Variants in FAM149B1 observed in about 807,000 individuals in gnomAD.
FAM149B1 encodes family with sequence similarity 149 member B1.
In FAM149B1, 56 loss-of-function variants were observed where a neutral mutation model predicts 75.3. The observed-to-expected ratio is 0.74, with a 90% CI of 0.60 to 0.93. The LOEUF (loss-of-function observed/expected upper bound fraction) is 0.93, where lower values mean the gene tolerates loss of function less well. Among genes scored for constraint, FAM149B1 ranks in the 40% least tolerant of loss-of-function variants. The pLI, the probability that FAM149B1 is intolerant of heterozygous loss-of-function variation, is 0.00. For synonymous variants in FAM149B1, 259 were observed against 256.1 expected (o/e 1.01, Z -0.11); for missense variants, 639 against 708.4 (o/e 0.90, Z 1.11).
chr10:73,237,495 C>T (rs1317320183), intron 12 of FAM149B1, among the ~76,000 whole-genome samples: 1 of 151,980 alleles, frequency 6.6e-6, no homozygotes, highest in Non-Finnish European at 1.5e-5. Flanking sequence ...CAGCTCACTG[C>T]AGCCTCCACC....
rs992173535 is a variant in FAM149B1 at position 73,241,514 on chromosome 10, CT to C, written c.*498del. On this transcript the variant is annotated 3_prime_UTR_variant, in exon 14 of 14. Transcript: ENST00000242505. ...AAATAGATGTCATTCCTAAAACTCT[CT>C]TTAGATGTCCTACCCTATCAGCAGA... The C allele has an allele frequency of 1.2e-5, 2 of 165,148 alleles. No individual in the cohort carries two copies. The highest frequency in any genetic ancestry group is 4.8e-5 in the African/African-American group (2 of 41,658). The allele number at this position is 165,148 out of a possible 1,614,324, so 10.2% of individuals were successfully genotyped here.
chr10:73,217,330 T>C (rs1185143466), intron 7 of FAM149B1, among the ~76,000 whole-genome samples: 3 of 152,246 alleles, frequency 2.0e-5, no homozygotes, highest in Non-Finnish European at 2.9e-5. Context: ...GGCTGGCTTA[T>C]AGTTAGATAC....
intron 10 of FAM149B1, chr10:73,234,615 G>A (rs533844000): frequency 5.2e-4 from 298 of 576,420 alleles, no homozygotes; most frequent in Middle Eastern, 1.4e-3. Flanking sequence ...AGAGTATAGA[G>A]CTTCAAAACA....
chr10:73,218,249 CT>C (rs2043338645), intron 7 of FAM149B1, among the ~76,000 whole-genome samples: 1 of 152,200 alleles, frequency 6.6e-6, no homozygotes, highest in Non-Finnish European at 1.5e-5. Flanking sequence ...GACTAATCCT[CT>C]GCAGTTCTTT....
At chr10:73,207,850 T>A (rs1260920382) in intron 5 of FAM149B1, among the ~76,000 whole-genome samples, 1 of 152,252 alleles carries the variant, frequency 6.6e-6, no homozygotes, top group Non-Finnish European at 1.5e-5. Flanking sequence ...GTAAATAACT[T>A]GTTTTTGATT....
In FAM149B1 at chr10:73,177,971, A is replaced by G. The variant is rs1283460608; in HGVS notation, c.278A>G (p.Tyr93Cys). The change falls in exon 3 of 14, where the codon TAT (tyrosine) becomes TGT (cysteine). Residue 93 changes from tyrosine to cysteine, a missense_variant. Coordinates refer to ENST00000242505, the MANE Select transcript of FAM149B1 (RefSeq NM_173348.2). ...TEGSSDFSWG[Y>C]GELDQNATEK... ...GGAAGCTCGGACTTCTCCTGGGGAT[A>G]TGGTGTGAGTTATATGTTATCAGTC... 3 of 1,549,908 alleles carry G rather than the reference A, an allele frequency of 1.9e-6. No individual in the cohort carries two copies. Among genetic ancestry groups the G allele is most frequent in the Non-Finnish European group, 2.6e-6 (3 of 1,146,488 alleles).
intron 7 of FAM149B1, among the ~76,000 whole-genome samples, chr10:73,216,898 T>A (rs1449389112): frequency 6.6e-6 from 1 of 152,180 alleles, no homozygotes; most frequent in East Asian, 1.9e-4. Context: ...ACAATCAATA[T>A]AGTGAACATA....
At chr10:73,208,002 G>A (rs1434033537) in intron 5 of FAM149B1, among the ~76,000 whole-genome samples, 3 of 152,252 alleles carry the variant, frequency 2.0e-5, no homozygotes, top group Admixed American at 6.5e-5. Context: ...AGAAGGATAT[G>A]AGATTTGGGA....
chr10:73,208,411 A>T (rs1325712754), intron 5 of FAM149B1, among the ~76,000 whole-genome samples: 1 of 152,220 alleles, frequency 6.6e-6, no homozygotes, highest in Non-Finnish European at 1.5e-5. Context: ...GCAGTACCAG[A>T]TAGTCCATAG....
chr10:73,242,137 CATTAA>C lies in FAM149B1; in HGVS notation c.*1123_*1127del, dbSNP rs1417618764. 4 of 152,128 alleles carry C rather than the reference CATTAA, an allele frequency of 2.6e-5. No individual in the cohort carries two copies. The highest frequency in any genetic ancestry group is 1.9e-4 in the East Asian group (1 of 5,204). 9.4% of individuals were successfully genotyped at this position (152,128 alleles called of 1,614,324 possible). On this transcript the variant is annotated 3_prime_UTR_variant, in exon 14 of 14. Transcript: ENST00000242505. ...GAAGACAGATGCTTCAAACAACCTG[CATTAA>C]ATTATATTTTTAATAAAATTAAAAT...
At chr10:73,226,003 C>T (rs2043533438) in intron 7 of FAM149B1, among the ~76,000 whole-genome samples, 1 of 151,984 alleles carries the variant, frequency 6.6e-6, no homozygotes, top group Non-Finnish European at 1.5e-5. Context: ...AGACTTCACA[C>T]AACAGAATCA....
chr10:73,189,278 C>T (rs934527282), intron 3 of FAM149B1, among the ~76,000 whole-genome samples: 2 of 152,178 alleles, frequency 1.3e-5, no homozygotes, highest in African/African-American at 4.8e-5. Flanking sequence ...AGGTTTAATG[C>T]TCACACATTT....
At chr10:73,211,593 GT>G (rs1277373520) in intron 7 of FAM149B1, among the ~76,000 whole-genome samples, 1 of 152,172 alleles carries the variant, frequency 6.6e-6, no homozygotes, top group Non-Finnish European at 1.5e-5. Context: ...CAGGTATTTA[GT>G]AAATATTTGA....
At chr10:73,204,510 A>G (rs1447973662) in intron 5 of FAM149B1, among the ~76,000 whole-genome samples, 4 of 152,200 alleles carry the variant, frequency 2.6e-5, no homozygotes, top group African/African-American at 7.2e-5. Context: ...TAAATTGGTT[A>G]TATTTAACAT....
At chr10:73,180,191 A>G (rs2042363680) in intron 3 of FAM149B1, among the ~76,000 whole-genome samples, 1 of 152,238 alleles carries the variant, frequency 6.6e-6, no homozygotes, top group African/African-American at 2.4e-5. Flanking sequence ...ACTTGAAGAC[A>G]GAAGAGCTAG....
intron 5 of FAM149B1, chr10:73,201,249 T>G (rs2042929325): frequency 8.6e-6 from 2 of 233,760 alleles, no homozygotes; most frequent in African/African-American, 4.6e-5. Context: ...GACAGAGTTT[T>G]GGATGCAGTG....
chr10:73,209,964 C>T (rs2043151926), intron 6 of FAM149B1, among the ~76,000 whole-genome samples: 1 of 152,126 alleles, frequency 6.6e-6, no homozygotes, highest in African/African-American at 2.4e-5. Context: ...TGCACACAGC[C>T]CTAGGGCCAG....
intron 5 of FAM149B1, among the ~76,000 whole-genome samples, chr10:73,202,829 T>C (rs2042971715): frequency 6.6e-6 from 1 of 152,088 alleles, no homozygotes. Context: ...TAGCTGGGAC[T>C]ACTGGTGTGC....
At chr10:73,188,404 GCAA>G (rs1428738724) in intron 3 of FAM149B1, among the ~76,000 whole-genome samples, 2 of 152,030 alleles carry the variant, frequency 1.3e-5, no homozygotes, top group Non-Finnish European at 2.9e-5. Flanking sequence ...CTTGGATTAG[GCAA>G]CAAGTTCATA....
Sources: allele counts gnomAD v4.1 joint callset (sites outside exome capture counted in the v4.1 genomes callset), GRCh38; gene constraint gnomAD v4.1.1; transcripts MANE v1.5; gene names NCBI Gene and HGNC (gene_info 2026-07-23, HGNC 2026-07-21).